Variants in ADGRV1 observed in about 807,000 individuals in gnomAD.
The protein encoded by ADGRV1 is G-protein coupled receptor 98.
A neutral mutation model predicts 596.2 loss-of-function variants in ADGRV1; 359 were observed. The ratio of observed to expected loss-of-function variants is 0.60; its 90% confidence interval spans 0.55 to 0.66. ADGRV1 has a LOEUF of 0.66. ADGRV1 is among the 30% of genes least tolerant of loss of function. ADGRV1 has a pLI of 0.00. For missense variants in ADGRV1, 7,274 were observed against 7,575.6 expected (o/e 0.96, Z 1.48); for synonymous variants, 2,681 against 2,679.2 (o/e 1.00, Z -0.02).
intron 85 of ADGRV1, 129 bp downstream of exon 85, chr5:90,985,651 CT>C: frequency 1.6e-6 from 1 of 630,098 alleles, no homozygotes; most frequent in Non-Finnish European, 2.7e-6. Context: ...TGAAGCTCTG[CT>C]TACTCTAATT....
At position 90,657,984 on chromosome 5, in the gene ADGRV1, T is replaced by C; in HGVS notation, c.4458T>C (p.Tyr1486=). ...FTGLMQDVRS[Y]ERKLTLEEIY... is the part of the protein sequence containing the mutation. ...GTCTGATGCAGGATGTGAGGTCCTA[T>C]GAGCGGAAACTGACGCTTGAAGAAA... The change falls in exon 21 of 90, where the codon TAT becomes TAC. Residue 1486 remains tyrosine, a synonymous_variant. Transcript: ENST00000405460. The C allele has an allele frequency of 6.2e-7, 1 of 1,613,958 alleles. No individual in the cohort carries two copies.
intron 50 of ADGRV1, among the ~76,000 whole-genome samples, chr5:90,735,992 CTGGAACTTTCAGAACGATGT>C (rs1373257369): frequency 6.6e-6 from 1 of 152,092 alleles, no homozygotes; most frequent in Non-Finnish European, 1.5e-5. Flanking sequence ...ATTGCTTTGG[CTGGAACTTTCAGAACGATGT>C]TGAAAGGAAG....
chr5:90,740,514 G>A (rs1008601930), intron 50 of ADGRV1, among the ~76,000 whole-genome samples: 1 of 152,180 alleles, frequency 6.6e-6, no homozygotes, highest in Non-Finnish European at 1.5e-5. Flanking sequence ...TGTGGAAGCT[G>A]GCCAGGGATT....
chr5:90,801,058 TTAAAA>T (rs1440649840), intron 70 of ADGRV1, among the ~76,000 whole-genome samples: 1 of 152,040 alleles, frequency 6.6e-6, no homozygotes, highest in Admixed American at 6.6e-5. Context: ...ACCCTAGAAC[TTAAAA>T]TATAATAATA....
At chr5:91,099,495 C>A (rs1402478775) in intron 86 of ADGRV1, among the ~76,000 whole-genome samples, 1 of 152,168 alleles carries the variant, frequency 6.6e-6, no homozygotes, top group Non-Finnish European at 1.5e-5. Flanking sequence ...TGCTGCCCAG[C>A]TGGAATTGTG....
chr5:90,873,400 G>A (rs1246167246), intron 83 of ADGRV1, among the ~76,000 whole-genome samples: 1 of 152,046 alleles, frequency 6.6e-6, no homozygotes, highest in Non-Finnish European at 1.5e-5. Flanking sequence ...TGGGTTTTGT[G>A]GTCACATTTC....
At chr5:90,594,485 CT>C (rs569370594) in intron 1 of ADGRV1, among the ~76,000 whole-genome samples, 21,473 of 108,232 alleles carry the variant, frequency 0.2, 1,996 homozygotes, top group East Asian at 0.39. Context: ...TCTGGCAGTT[CT>C]TTTTTTTTTT....
intron 83 of ADGRV1, among the ~76,000 whole-genome samples, chr5:90,936,065 A>G (rs1179045442): frequency 6.6e-6 from 1 of 152,194 alleles, no homozygotes; most frequent in Non-Finnish European, 1.5e-5. Context: ...GAAAATCTGC[A>G]TTTGTAATAA....
intron 58 of ADGRV1, among the ~76,000 whole-genome samples, chr5:90,761,994 A>C (rs972754405): frequency 6.6e-6 from 1 of 152,228 alleles, no homozygotes; most frequent in South Asian, 2.1e-4. Flanking sequence ...TCGGTGACAC[A>C]GATTAGATTC....
Position 90,682,701 on chromosome 5 carries a change from G to C in ADGRV1, c.5665-885G>C, listed in dbSNP as rs984815703. Among the ~76,000 whole-genome samples the C allele has an allele frequency of 3.9e-5, 6 of 152,124 alleles. No individual in the cohort carries two copies. In the South Asian group the frequency reaches 1.2e-3, roughly 32 times the overall value. ...ATGACTCAGGAAAGATAAAAAAAGC[G>C]TTAAGGGAAAGGATCAACTTTTATA... On this transcript the variant is annotated intron_variant, in intron 27 of 89. Coordinates refer to ENST00000405460, the MANE Select transcript of ADGRV1 (RefSeq NM_032119.4).
intron 34 of ADGRV1, among the ~76,000 whole-genome samples, chr5:90,702,362 A>T (rs977565649): frequency 8.6e-5 from 13 of 151,684 alleles, no homozygotes; most frequent in Admixed American, 4.6e-4. Context: ...AAGGTAACTA[A>T]TTTTTTTTGT....
intron 21 of ADGRV1, among the ~76,000 whole-genome samples, chr5:90,665,672 C>T (rs1771219842): frequency 6.7e-6 from 1 of 148,750 alleles, no homozygotes; most frequent in South Asian, 2.2e-4. Context: ...AATGTGTTTG[C>T]TCTTGCTTTT....
chr5:90,793,708 G>T (rs1304354269), intron 70 of ADGRV1, among the ~76,000 whole-genome samples: 1 of 151,894 alleles, frequency 6.6e-6, no homozygotes, highest in Non-Finnish European at 1.5e-5. Context: ...TATGATAAAT[G>T]AATTATCATT....
intron 86 of ADGRV1, among the ~76,000 whole-genome samples, chr5:91,100,201 C>T (rs972247056): frequency 2.6e-5 from 4 of 152,114 alleles, no homozygotes; most frequent in Non-Finnish European, 5.9e-5. Flanking sequence ...GCATGCGGAT[C>T]GCTTGAGCCC....
rs1759125896 is a variant in ADGRV1 at position 90,783,833 on chromosome 5, T to C, written c.13434-5T>C. On this transcript the variant is annotated splice_polypyrimidine_tract_variant and splice_region_variant and intron_variant, in intron 66 of 89. Transcript: ENST00000405460. ...CTCACAGAATTGCTCCTTCTTGCCA[T>C]GCAGTGAATTTGAGGAGCCCATTGA... 1 of 1,595,046 alleles carries C rather than the reference T, an allele frequency of 6.3e-7. No homozygotes were observed. The highest frequency in any genetic ancestry group is 8.5e-7 in the Non-Finnish European group (1 of 1,169,636).
chr5:90,637,743 C>A lies in ADGRV1; in HGVS notation c.2035C>A (p.Arg679=). 6.2e-7 allele frequency: 1 copy of A among 1,609,920 alleles called. No homozygotes were observed. Among genetic ancestry groups the A allele is most frequent in the Non-Finnish European group, 8.5e-7 (1 of 1,178,226 alleles). The change falls in exon 11 of 90, where the codon CGG becomes AGG. Residue 679 remains arginine (R), a synonymous_variant. Coordinates refer to ENST00000405460, the MANE Select transcript of ADGRV1 (RefSeq NM_032119.4). ...TTATAAGGTATACATTCCCTTACAT[C>A]GGGATGGAACTGATGGCCAGGCTAC... ...AAEVVYIPLH[R]DGTDGQATVY...
intron 83 of ADGRV1, among the ~76,000 whole-genome samples, chr5:90,944,993 C>A (rs1481642943): frequency 6.6e-6 from 1 of 151,962 alleles, no homozygotes; most frequent in East Asian, 1.9e-4. Context: ...GTGGTTAAAT[C>A]GAAAATAATT....
chr5:91,157,259 C>T (rs1323397627), intron 89 of ADGRV1, among the ~76,000 whole-genome samples: 1 of 152,182 alleles, frequency 6.6e-6, no homozygotes, highest in Non-Finnish European at 1.5e-5. Context: ...GCTATGTAGC[C>T]TTTTGCATGT....
intron 21 of ADGRV1, among the ~76,000 whole-genome samples, chr5:90,668,284 T>A (rs1035543585): frequency 1.3e-5 from 2 of 152,112 alleles, no homozygotes; most frequent in Non-Finnish European, 2.9e-5. Flanking sequence ...TAGGACCCTC[T>A]GAGCCAGGTG....
Sources: gnomAD v4.1 joint callset for allele counts (sites outside exome capture counted in the v4.1 genomes callset) on GRCh38, gnomAD v4.1.1 for gene constraint, MANE v1.5 for transcripts, NCBI Gene and HGNC (gene_info 2026-07-23, HGNC 2026-07-21) for gene names.